MVB12B: variants seen among roughly 807,000 people sequenced by gnomAD.
MVB12B encodes multivesicular body subunit 12B, also known as ESCRT-I complex subunit MVB12B.
In MVB12B, 16 loss-of-function variants were observed where a neutral mutation model predicts 41.6. That is an observed-to-expected ratio of 0.38 (90% confidence interval 0.26 to 0.58). The LOEUF (loss-of-function observed/expected upper bound fraction) is 0.58. MVB12B is among the 20% of genes least tolerant of loss of function. The pLI, the probability that MVB12B is intolerant of heterozygous loss-of-function variation, is 0.62. For synonymous variants in MVB12B, 133 were observed against 139.7 expected, an observed-to-expected ratio of 0.95 and a Z score of 0.34; for missense variants, 274 against 380.2, an observed-to-expected ratio of 0.72 and a Z score of 2.32.
intron 9 of MVB12B, among the ~76,000 whole-genome samples, chr9:126,492,570 A>T (rs1415041179): frequency 2.0e-5 from 3 of 152,218 alleles, no homozygotes; most frequent in African/African-American, 7.2e-5. Context: ...GGCCAGGTGC[A>T]GTGGCTCACG....
intron 6 of MVB12B, among the ~76,000 whole-genome samples, chr9:126,408,929 A>G (rs1831531376): frequency 6.6e-6 from 1 of 152,090 alleles, no homozygotes; most frequent in Non-Finnish European, 1.5e-5. Context: ...TGTTGCAAAC[A>G]TTCCCCTCCC....
chr9:126,475,728 T>A (rs1833406683), intron 7 of MVB12B, among the ~76,000 whole-genome samples: 2 of 152,094 alleles, frequency 1.3e-5, no homozygotes, highest in Non-Finnish European at 2.9e-5. Flanking sequence ...TTTGTTAAAA[T>A]CTGTTTTCTA....
chr9:126,404,740 C>G (rs1831369219), intron 6 of MVB12B, among the ~76,000 whole-genome samples: 1 of 152,254 alleles, frequency 6.6e-6, no homozygotes. Context: ...CCCAGGAGGT[C>G]CCAGCACCAC....
intron 9 of MVB12B, among the ~76,000 whole-genome samples, 163 bp from the exon 10 acceptor site, chr9:126,503,014 C>G (rs896960602): frequency 6.6e-6 from 1 of 152,224 alleles, no homozygotes; most frequent in Admixed American, 6.5e-5. Context: ...CAGGGGCCCA[C>G]GAGGGCAGGC....
At chr9:126,457,160 T>G (rs1046334266) in intron 7 of MVB12B, among the ~76,000 whole-genome samples, 4 of 152,168 alleles carry the variant, frequency 2.6e-5, no homozygotes, top group Non-Finnish European at 5.9e-5. Context: ...TTTTAATCGA[T>G]GTCAGCTCCT....
chr9:126,497,857 G>A (rs973886121), intron 9 of MVB12B, among the ~76,000 whole-genome samples: 5 of 152,236 alleles, frequency 3.3e-5, no homozygotes, highest in Admixed American at 6.5e-5. Context: ...TTTCCAAACC[G>A]AACAGTTGCT....
chr9:126,397,028 G>A (rs1831135909), intron 6 of MVB12B: 13 of 985,540 alleles, frequency 1.3e-5, no homozygotes, highest in Non-Finnish European at 1.6e-5. Flanking sequence ...CCTGTGCTGG[G>A]GAGTCAGCTA....
Position 126,486,170 on chromosome 9 carries a change from T to TA in MVB12B, c.873+2139dup, listed in dbSNP as rs1833615259. 6.6e-6 allele frequency among the ~76,000 whole-genome samples: 1 copy of TA among 152,152 alleles called. No individual in the cohort carries two copies. Among genetic ancestry groups the TA allele is most frequent in the South Asian group, 2.1e-4 (1 of 4,826 alleles). On this transcript the variant is annotated intron_variant, in intron 9 of 9. Transcript: ENST00000361171. This position sits in a 1 kb window ranked among gnomAD's most constrained non-coding sequence, Gnocchi z 4.7. ...ATCATAAAAACCAACCTGATTGTCATATATAGATTTTTTTTTCTTTTTTTG... is the reference window on the plus strand; with the variant it reads ...ATCATAAAAACCAACCTGATTGTCATAATATAGATTTTTTTTTCTTTTTTTG...
At chr9:126,460,076 G>A (rs1364493893) in intron 7 of MVB12B, among the ~76,000 whole-genome samples, 1 of 152,104 alleles carries the variant, frequency 6.6e-6, no homozygotes, top group Non-Finnish European at 1.5e-5. Context: ...ATCTTCTTGA[G>A]GGGGCCCCTA....
In MVB12B at chr9:126,381,035, C is replaced by T. The variant is rs552355044; in HGVS notation, c.205-29C>T. ...CTTCAGTTCCTTCCTGCCTTACCTG[C>T]AATCCTTTTCTCTGTCTCTCCGGTG... On this transcript the variant is annotated intron_variant, in intron 2 of 9. Coordinates refer to ENST00000361171, the MANE Select transcript of MVB12B (RefSeq NM_033446.3). 19 of 1,593,612 alleles carry T rather than the reference C, an allele frequency of 1.2e-5. No homozygotes were observed. The African/African-American group carries it at 1.2e-4, about 10-fold the overall frequency.
At position 126,345,259 on chromosome 9, in the gene MVB12B, A is replaced by G. The variant is rs534398162; in HGVS notation, c.204+4629A>G. On this transcript the variant is annotated intron_variant, in intron 2 of 9. Coordinates refer to ENST00000361171, the MANE Select transcript of MVB12B (RefSeq NM_033446.3). ...TGAGAGCTGCCACACCTTAGCAGCCAGGCTAAACTGCATCCTGGTCTTAGA... is the reference window on the plus strand; with the variant it reads ...TGAGAGCTGCCACACCTTAGCAGCCGGGCTAAACTGCATCCTGGTCTTAGA... Among the ~76,000 whole-genome samples the G allele has an allele frequency of 2.0e-5, 3 of 152,362 alleles. No homozygotes were observed. The South Asian group carries it at 6.2e-4, about 32-fold the overall frequency.
intron 7 of MVB12B, among the ~76,000 whole-genome samples, chr9:126,458,258 C>T (rs564220315): frequency 1.3e-5 from 2 of 152,192 alleles, no homozygotes; most frequent in Non-Finnish European, 1.5e-5. Context: ...GGCTCAGCCT[C>T]ACCAGGCCCA....
chr9:126,467,809 G>A (rs148716521), intron 7 of MVB12B, among the ~76,000 whole-genome samples: 14 of 152,198 alleles, frequency 9.2e-5, no homozygotes, highest in African/African-American at 3.4e-4. Flanking sequence ...GATGTTCCTG[G>A]CCTTTTCCCT....
chr9:126,345,946 A>G lies in MVB12B; in HGVS notation c.204+5316A>G, dbSNP rs374718831. 3.4e-4 allele frequency among the ~76,000 whole-genome samples: 52 copies of G among 152,322 alleles called. No homozygotes were observed. In the South Asian group the frequency reaches 7.9e-3, roughly 23 times the overall value. On this transcript the variant is annotated intron_variant, in intron 2 of 9. Coordinates refer to ENST00000361171, the MANE Select transcript of MVB12B (RefSeq NM_033446.3). The stretch of plus-strand genomic sequence containing the variant: ...TTGGTTTCACAAATGTTTATTGGCC[A>G]CTTAGCTATTGTCCAAGGCACTGGA...
intron 7 of MVB12B, among the ~76,000 whole-genome samples, chr9:126,430,167 T>A (rs982013323): frequency 2.0e-5 from 3 of 152,092 alleles, no homozygotes; most frequent in African/African-American, 7.2e-5. Flanking sequence ...TCCAAAGACC[T>A]CCTTGGTCCC....
chr9:126,456,266 A>C (rs994128150), intron 7 of MVB12B, among the ~76,000 whole-genome samples: 1 of 152,202 alleles, frequency 6.6e-6, no homozygotes, highest in Admixed American at 6.5e-5. Flanking sequence ...CTTACCTCCA[A>C]GATATTCCCA....
chr9:126,464,231 G>T (rs1446412233), intron 7 of MVB12B, among the ~76,000 whole-genome samples: 1 of 152,162 alleles, frequency 6.6e-6, no homozygotes, highest in Non-Finnish European at 1.5e-5. Flanking sequence ...CAGCCCAGGG[G>T]GTAACGTTTC....
intron 7 of MVB12B, among the ~76,000 whole-genome samples, chr9:126,461,250 T>A (rs1053691371): frequency 6.6e-6 from 1 of 152,266 alleles, no homozygotes; most frequent in African/African-American, 2.4e-5. Flanking sequence ...CGCCGAAGGC[T>A]GGCCCTGGTG....
chr9:126,448,496 T>C (rs1440249033), intron 7 of MVB12B: 1 of 152,272 alleles, frequency 6.6e-6, no homozygotes, highest in East Asian at 1.9e-4. Flanking sequence ...TTGGCCGTTT[T>C]GTGTTTCTAT....
Sources: gnomAD v4.1 joint callset for allele counts (sites outside exome capture counted in the v4.1 genomes callset) on GRCh38, gnomAD v4.1.1 for gene constraint, Gnocchi (gnomAD v3.1) non-coding constraint, MANE v1.5 for transcripts, NCBI Gene and HGNC (gene_info 2026-07-23, HGNC 2026-07-21) for gene names.